Variants in GLCCI1 observed in about 807,000 individuals in gnomAD.
GLCCI1 encodes the protein glucocorticoid-induced transcript 1 protein.
GLCCI1 carries 24 observed loss-of-function variants against 52.2 expected under a neutral mutation model. The ratio of observed to expected loss-of-function variants is 0.46; its 90% CI spans 0.33 to 0.65. The LOEUF (loss-of-function observed/expected upper bound fraction) is 0.65. Among genes scored for constraint, GLCCI1 ranks in the 30% least tolerant of loss-of-function variants. The pLI is 0.02. For missense variants in GLCCI1, 704 were observed against 701.5 expected (o/e 1.00, Z -0.04); for synonymous variants, 310 against 276.5 (o/e 1.12, Z -1.20).
intron 2 of GLCCI1, among the ~76,000 whole-genome samples, chr7:8,016,221 G>C (rs1006269329): frequency 6.6e-6 from 1 of 152,224 alleles, no homozygotes. Context: ...TGTAATCCCA[G>C]CACTTTGGGA....
chr7:8,043,251 T>C (rs1022362386), intron 3 of GLCCI1, among the ~76,000 whole-genome samples: 34 of 152,160 alleles, frequency 2.2e-4, no homozygotes, highest in African/African-American at 8.0e-4. Context: ...ACTTCATTGC[T>C]ATATTTTTTA....
Position 7,969,242 on chromosome 7 carries a change from TC to T in GLCCI1, c.-104del. On this transcript the variant is annotated 5_prime_UTR_variant, in exon 1 of 8. Coordinates refer to ENST00000223145, the MANE Select transcript of GLCCI1 (RefSeq NM_138426.4). This position sits in a 1 kb window ranked among gnomAD's most constrained non-coding sequence, Gnocchi z 4.9. ...TCCCCCACAGCGATACCCCCGCCCC[TC>T]CCCCTTACACACTCGCACGCACTAT... 1.1e-5 allele frequency: 2 copies of T among 189,756 alleles called. No individual in the cohort carries two copies. Among genetic ancestry groups the T allele is most frequent in the South Asian group, 2.2e-4 (2 of 9,138 alleles). 11.8% of individuals were successfully genotyped at this position (189,756 alleles called of 1,614,324 possible). A position where few individuals can be genotyped will look rare whatever the true frequency, so the allele number is the denominator to read the frequency against.
intron 1 of GLCCI1, among the ~76,000 whole-genome samples, chr7:7,995,683 T>C (rs1328770482): frequency 6.6e-6 from 1 of 152,060 alleles, no homozygotes; most frequent in African/African-American, 2.4e-5. Flanking sequence ...TTCTCACTCA[T>C]AGGTGGGAAT....
intron 1 of GLCCI1, among the ~76,000 whole-genome samples, chr7:7,994,548 T>G (rs1438108392): frequency 1.3e-5 from 2 of 152,228 alleles, no homozygotes; most frequent in Non-Finnish European, 2.9e-5. Flanking sequence ...GACCTAGCTC[T>G]AATAACAACC....
chr7:8,046,555 A>T (rs1203704866), intron 3 of GLCCI1, among the ~76,000 whole-genome samples: 1 of 152,242 alleles, frequency 6.6e-6, no homozygotes, highest in East Asian at 1.9e-4. Flanking sequence ...ATAACTTCTT[A>T]TCGGAATTCA....
At chr7:7,986,460 G>C (rs118173585) in intron 1 of GLCCI1, among the ~76,000 whole-genome samples, 1 of 151,138 alleles carries the variant, frequency 6.6e-6, no homozygotes, top group Non-Finnish European at 1.5e-5. Context: ...GCTAGGCGGC[G>C]CTTGCAGTGA....
chr7:8,054,504 A>G (rs998777159), intron 3 of GLCCI1, among the ~76,000 whole-genome samples: 1 of 152,136 alleles, frequency 6.6e-6, no homozygotes, highest in Non-Finnish European at 1.5e-5. Context: ...CCACAGGTAA[A>G]CATTAGTTTT....
chr7:8,023,588 C>CCT (rs1781543370), intron 3 of GLCCI1, among the ~76,000 whole-genome samples: 1 of 41,984 alleles, frequency 2.4e-5, no homozygotes, highest in African/African-American at 1.0e-4. Context: ...CTCTGTTATT[C>CCT]TTTTTTTTTT....
chr7:8,004,983 T>C (rs1043599794), intron 2 of GLCCI1, among the ~76,000 whole-genome samples: 4 of 152,234 alleles, frequency 2.6e-5, no homozygotes, highest in African/African-American at 7.2e-5. Flanking sequence ...AACTGTGAAA[T>C]TGGCTTCTTC....
At chr7:8,077,482 A>G (rs951061277) in intron 6 of GLCCI1, among the ~76,000 whole-genome samples, 2 of 152,158 alleles carry the variant, frequency 1.3e-5, no homozygotes, top group African/African-American at 4.8e-5. Context: ...CATAACAATA[A>G]TCAACATTGA....
intron 6 of GLCCI1, among the ~76,000 whole-genome samples, chr7:8,076,117 T>C (rs764328410): frequency 3.3e-5 from 5 of 152,208 alleles, no homozygotes; most frequent in Admixed American, 1.3e-4. Context: ...AGGGCTCTAT[T>C]TCTTGACCTT....
chr7:8,059,822 T>G (rs970059681), intron 4 of GLCCI1, among the ~76,000 whole-genome samples: 17 of 152,202 alleles, frequency 1.1e-4, no homozygotes, highest in Non-Finnish European at 1.5e-5. Flanking sequence ...ATGCAGAAGA[T>G]TCTGCCATTC....
Position 8,022,470 on chromosome 7 carries a change from A to C in GLCCI1, c.610-13A>C. On this transcript the variant is annotated splice_polypyrimidine_tract_variant and intron_variant, in intron 2 of 7. Coordinates refer to ENST00000223145, the MANE Select transcript of GLCCI1 (RefSeq NM_138426.4). ...AAAATTTCTTATTTTATTTATATAT[A>C]TATTTTTTAAAGACACCTAGCTGTT... The C allele has an allele frequency of 6.9e-7, 1 of 1,452,772 alleles. No individual in the cohort carries two copies. Among genetic ancestry groups the C allele is most frequent in the Non-Finnish European group, 9.2e-7 (1 of 1,081,560 alleles). The allele number at this position is 1,452,772 out of a possible 1,614,324, so 90.0% of individuals were successfully genotyped here. A position where few individuals can be genotyped will look rare whatever the true frequency, so the allele number is the denominator to read the frequency against.
chr7:8,008,601 A>G (rs188443776), intron 2 of GLCCI1, among the ~76,000 whole-genome samples: 12 of 152,186 alleles, frequency 7.9e-5, no homozygotes, highest in East Asian at 5.8e-4. Context: ...GGCCAGTGTT[A>G]TATGTCTTAA....
intron 3 of GLCCI1, among the ~76,000 whole-genome samples, chr7:8,026,505 T>C (rs551114121): frequency 6.6e-6 from 1 of 152,382 alleles, no homozygotes; most frequent in African/African-American, 2.4e-5. Flanking sequence ...TTTAAGTTCA[T>C]AGCACCAAAA....
At chr7:8,009,735 A>T (rs1781226314) in intron 2 of GLCCI1, among the ~76,000 whole-genome samples, 1 of 152,172 alleles carries the variant, frequency 6.6e-6, no homozygotes. Flanking sequence ...AGTCATTTGG[A>T]TTTGGAGATT....
chr7:8,045,235 A>G (rs753799651), intron 3 of GLCCI1, among the ~76,000 whole-genome samples: 8 of 152,186 alleles, frequency 5.3e-5, no homozygotes, highest in African/African-American at 9.7e-5. Flanking sequence ...GCACAGGATG[A>G]GAACCAACCC....
intron 3 of GLCCI1, among the ~76,000 whole-genome samples, chr7:8,044,941 T>C (rs1782088640): frequency 6.6e-6 from 1 of 152,236 alleles, no homozygotes; most frequent in Non-Finnish European, 1.5e-5. Context: ...CACTTAATGT[T>C]GTCAGTAGAT....
rs564595921 is a variant in GLCCI1, at chr7:8,043,817, A to G, written c.697-11616A>G. Among the ~76,000 whole-genome samples the G allele has an allele frequency of 3.3e-5, 5 of 152,340 alleles. No homozygotes were observed. The East Asian group carries it at 9.6e-4, about 29-fold the overall frequency. ...TCATGAAGATACTAAATTCTGTATA[A>G]CAGGCTATAAAAATGAGAGTACATG... On this transcript the variant is annotated intron_variant, in intron 3 of 7. Coordinates refer to ENST00000223145, the MANE Select transcript of GLCCI1 (RefSeq NM_138426.4).
Sources: allele counts gnomAD v4.1 joint callset (sites outside exome capture counted in the v4.1 genomes callset), GRCh38; gene constraint gnomAD v4.1.1; non-coding constraint Gnocchi (gnomAD v3.1); transcripts MANE v1.5; gene names NCBI Gene and HGNC (gene_info 2026-07-23, HGNC 2026-07-21).